CSMD3: variants seen among roughly 807,000 people sequenced by gnomAD.
CSMD3 encodes the protein CUB and sushi domain-containing protein 3.
Under a neutral mutation model 435.2 loss-of-function variants are expected in CSMD3, and 177 were observed. That is an observed-to-expected ratio of 0.41 (90% CI 0.36 to 0.46). The LOEUF (loss-of-function observed/expected upper bound fraction) is 0.46. Ranked by LOEUF, CSMD3 falls within the 20% of genes least tolerant of loss-of-function variation. The probability of loss-of-function intolerance (pLI) is 0.34; values close to 1 mark genes in which losing one functional copy is unlikely to be tolerated. For missense variants in CSMD3, 4,265 were observed against 4,504.6 expected (o/e 0.95, Z 1.52); for synonymous variants, 1,656 against 1,520.5 (o/e 1.09, Z -2.07).
intron 11 of CSMD3, among the ~76,000 whole-genome samples, chr8:112,832,021 T>G (rs1253520435): frequency 6.6e-6 from 1 of 152,150 alleles, no homozygotes; most frequent in Non-Finnish European, 1.5e-5. Context: ...GTTAGATTAT[T>G]TATAAGAAAA....
intron 25 of CSMD3, among the ~76,000 whole-genome samples, chr8:112,555,882 T>C (rs1828069835): frequency 6.6e-6 from 1 of 152,122 alleles, no homozygotes; most frequent in Non-Finnish European, 1.5e-5. Context: ...ATATCAATTA[T>C]ACCTCAGTAC....
chr8:112,591,645 A>C (rs1831202477), intron 22 of CSMD3, among the ~76,000 whole-genome samples: 1 of 152,120 alleles, frequency 6.6e-6, no homozygotes, highest in Non-Finnish European at 1.5e-5. Flanking sequence ...AAAAACTTAG[A>C]ATGTTTTTAA....
At chr8:112,340,047 T>C (rs1156329044) in intron 42 of CSMD3, among the ~76,000 whole-genome samples, 1 of 152,160 alleles carries the variant, frequency 6.6e-6, no homozygotes, top group Non-Finnish European at 1.5e-5. Flanking sequence ...ATTTCTAGTT[T>C]TACATCATTC....
intron 42 of CSMD3, among the ~76,000 whole-genome samples, chr8:112,338,270 T>G (rs1824768139): frequency 6.6e-6 from 1 of 151,660 alleles, no homozygotes; most frequent in Admixed American, 6.6e-5. Flanking sequence ...AAATGAACTT[T>G]GTACTTCAGT....
At chr8:112,948,551 G>A (rs1426292174) in intron 8 of CSMD3, among the ~76,000 whole-genome samples, 1 of 151,986 alleles carries the variant, frequency 6.6e-6, no homozygotes, top group Non-Finnish European at 1.5e-5. Flanking sequence ...AATTTTTTCA[G>A]TGAATGTGAC....
At chr8:112,588,785 A>T (rs1165144224) in intron 22 of CSMD3, among the ~76,000 whole-genome samples, 3 of 152,114 alleles carry the variant, frequency 2.0e-5, no homozygotes, top group African/African-American at 7.2e-5. Flanking sequence ...CTTGATTCTC[A>T]TTCATACTAT....
chr8:112,304,890 G>A lies in CSMD3; in HGVS notation c.8097C>T (p.Ser2699=), dbSNP rs1193272953. ...CVVVTCPSIN[S]FILEHGRWRI... ...GCCATCTTCCATGTTCCAAGATAAA[G>A]GAATTGATGCTTGGACATGTAACAA... The change falls in exon 52 of 71, where the codon TCC becomes TCT. Residue 2699 remains serine (S), a synonymous_variant. Coordinates refer to ENST00000297405, the MANE Select transcript of CSMD3 (RefSeq NM_198123.2). 4 of 1,613,654 alleles carry A rather than the reference G, an allele frequency of 2.5e-6. No homozygotes were observed. The East Asian group carries it at 6.7e-5, about 27-fold the overall frequency.
At chr8:113,239,035 C>CA (rs1299297893) in intron 3 of CSMD3, among the ~76,000 whole-genome samples, 1 of 152,140 alleles carries the variant, frequency 6.6e-6, no homozygotes, top group Non-Finnish European at 1.5e-5. Context: ...GTTGAACACT[C>CA]AAATATACCA....
chr8:113,029,643 T>C (rs978550815), intron 5 of CSMD3, among the ~76,000 whole-genome samples: 2 of 151,512 alleles, frequency 1.3e-5, no homozygotes, highest in Non-Finnish European at 3.0e-5. Context: ...ATAAAAGCCA[T>C]CTATGAAACA....
At chr8:112,580,907 T>C (rs1830293481) in intron 23 of CSMD3, among the ~76,000 whole-genome samples, 1 of 152,064 alleles carries the variant, frequency 6.6e-6, no homozygotes, top group Non-Finnish European at 1.5e-5. Context: ...TGACTGAGTT[T>C]ATCCTGAATT....
rs551436119 is a variant in CSMD3, at chr8:113,104,064, G to T, written c.710-5101C>A. Among the ~76,000 whole-genome samples the T allele has an allele frequency of 2.0e-5, 3 of 152,034 alleles. No homozygotes were observed. In the East Asian group the frequency reaches 5.8e-4, roughly 29 times the overall value. On this transcript the variant is annotated intron_variant, in intron 4 of 70. Transcript: ENST00000297405. ...CACAGCTTCATAAAACACCCAAATG[G>T]TTTTCTGTAACACATCTTTTCCAAT...
intron 37 of CSMD3, among the ~76,000 whole-genome samples, chr8:112,381,495 T>A (rs987450): frequency 1 from 151,940 of 152,354 alleles, 75,763 homozygotes; most frequent in East Asian, 1. Flanking sequence ...TCTTAAGACA[T>A]AGTTCAACAA....
chr8:113,070,496 A>C (rs542162681), intron 5 of CSMD3, among the ~76,000 whole-genome samples: 1 of 152,132 alleles, frequency 6.6e-6, no homozygotes, highest in South Asian at 2.1e-4. Context: ...AATTGTAGTG[A>C]ATATACAGTA....
chr8:112,800,166 G>A lies in CSMD3; in HGVS notation c.1968C>T (p.Tyr656=), dbSNP rs1277864178. 8 of 1,591,082 alleles carry A rather than the reference G, an allele frequency of 5.0e-6. 1 individual carries two copies. Among genetic ancestry groups the A allele is most frequent in the Middle Eastern group, 3.3e-4 (2 of 6,036 alleles). ...TATGTAGAAATTAATCATTACCTTTGTAGTTAACCTTGAAACCAACAGATC... is the reference window on the plus strand; with the variant it reads ...TATGTAGAAATTAATCATTACCTTTATAGTTAACCTTGAAACCAACAGATC... ...SVGSVGFKVN[Y]KEIEKESCGD... Residue 656 remains tyrosine, a synonymous_variant, in exon 13 of 71, where the codon TAC becomes TAT. Coordinates refer to ENST00000297405, the MANE Select transcript of CSMD3 (RefSeq NM_198123.2).
intron 12 of CSMD3, among the ~76,000 whole-genome samples, chr8:112,811,025 C>A (rs911317840): frequency 5.9e-5 from 9 of 151,854 alleles, no homozygotes; most frequent in Non-Finnish European, 1.2e-4. Context: ...ACTATTGGTT[C>A]ACTTAAATAT....
intron 1 of CSMD3, among the ~76,000 whole-genome samples, chr8:113,350,622 G>T (rs1178126278): frequency 3.3e-5 from 5 of 152,032 alleles, no homozygotes. Flanking sequence ...TTTCTCTGAA[G>T]GATTACCCAA....
At chr8:112,563,921 C>T (rs976066643) in intron 24 of CSMD3, among the ~76,000 whole-genome samples, 2 of 151,942 alleles carry the variant, frequency 1.3e-5, no homozygotes, top group Non-Finnish European at 2.9e-5. Context: ...TTGAGGAAGG[C>T]ACATCTCACA....
chr8:113,123,411 T>C (rs1273300316), intron 4 of CSMD3, among the ~76,000 whole-genome samples: 2 of 152,110 alleles, frequency 1.3e-5, no homozygotes, highest in African/African-American at 2.4e-5. Context: ...ATCTGGTCTA[T>C]TGCCTATTCT....
intron 64 of CSMD3, 90 bp downstream of exon 64, chr8:112,246,930 T>C (rs543332933): frequency 1.2e-5 from 10 of 868,868 alleles, no homozygotes; most frequent in Admixed American, 7.8e-5. Context: ...TTGATACACA[T>C]ATAGATGTAA....
Sources: allele counts gnomAD v4.1 joint callset (sites outside exome capture counted in the v4.1 genomes callset), GRCh38; gene constraint gnomAD v4.1.1; transcripts MANE v1.5; gene names NCBI Gene and HGNC (gene_info 2026-07-23, HGNC 2026-07-21).